The following ASXL2 variants were observed in gnomAD, a reference collection of about 807,000 sequenced individuals.
The protein encoded by ASXL2 is ASXL transcriptional regulator 2.
Under a neutral mutation model 122.0 loss-of-function variants are expected in ASXL2, and 23 were observed. That is an observed-to-expected ratio of 0.19 (90% CI 0.14 to 0.27). The LOEUF (loss-of-function observed/expected upper bound fraction) is 0.27. ASXL2 is among the 10% of genes least tolerant of loss of function. The pLI is 1.00. For missense variants in ASXL2, 1,518 were observed against 1,713.8 expected, an observed-to-expected ratio of 0.89 and a Z score of 2.02; for synonymous variants, 650 against 637.0, an observed-to-expected ratio of 1.02 and a Z score of -0.31.
In ASXL2 at chr2:25,736,996, T is replaced by C. The variant is rs776490506; in HGVS notation, c.*5033A>G. The C allele has an allele frequency of 3.3e-5, 5 of 152,144 alleles. No individual in the cohort carries two copies. The highest frequency in any genetic ancestry group is 7.2e-5 in the African/African-American group (3 of 41,426). 9.4% of individuals were successfully genotyped at this position (152,144 alleles called of 1,614,324 possible). ...AGACAGCAATCTCGGTATGGGAACA[T>C]AGACAACCTCTCCTACCAACTGGCT... is the stretch of plus-strand genomic sequence containing the variant. On this transcript the variant is annotated 3_prime_UTR_variant, in exon 13 of 13. Coordinates refer to ENST00000435504, the MANE Select transcript of ASXL2 (RefSeq NM_018263.6).
At chr2:25,810,385 A>C (rs369382116) in intron 3 of ASXL2, 41 of 667,222 alleles carry the variant, frequency 6.1e-5, no homozygotes, top group South Asian at 5.3e-4. Flanking sequence ...AACAACCTTC[A>C]TATCTCTCTC....
In ASXL2 at chr2:25,833,817, T is replaced by G. The variant is rs1374382089; in HGVS notation, c.143+1721A>C. ...TGGGCACTGGGCCAACCAAGTTCACTCTTCCCTTAAAGTTTAACCTTGAGC... is the reference window on the plus strand; with the variant it reads ...TGGGCACTGGGCCAACCAAGTTCACGCTTCCCTTAAAGTTTAACCTTGAGC... On this transcript the variant is annotated intron_variant, in intron 3 of 12. Transcript: ENST00000435504. Among the ~76,000 whole-genome samples the G allele has an allele frequency of 2.6e-5, 4 of 152,134 alleles. No homozygotes were observed. The East Asian group carries it at 7.7e-4, about 29-fold the overall frequency.
intron 1 of ASXL2, among the ~76,000 whole-genome samples, chr2:25,849,259 G>T (rs1179850152): frequency 1.3e-5 from 2 of 150,268 alleles, no homozygotes; most frequent in East Asian, 2.0e-4. Context: ...CCAACATGGA[G>T]ATTCCCTGCC....
rs189787261 is a variant in ASXL2, at chr2:25,856,570, G to A, written c.58-11007C>T. ...TTGTATTTCGCCAGACGCTCCAAGG[G>A]GTAGGGGGCGCCAGTCTTGATCTGT... On this transcript the variant is annotated intron_variant, in intron 1 of 12. Coordinates refer to ENST00000435504, the MANE Select transcript of ASXL2 (RefSeq NM_018263.6). 1.4e-5 allele frequency: 16 copies of A among 1,156,798 alleles called. No individual in the cohort carries two copies. In the East Asian group the frequency reaches 4.0e-4, roughly 29 times the overall value. The allele number at this position is 1,156,798 out of a possible 1,614,324, so 71.7% of individuals were successfully genotyped here.
intron 3 of ASXL2, chr2:25,809,816 C>T (rs540467804): frequency 3.5e-5 from 15 of 433,736 alleles, no homozygotes; most frequent in African/African-American, 1.8e-4. Context: ...GTGGGGGCAG[C>T]GAAAGGAGAA....
rs183925242 is a variant in ASXL2 at position 25,874,085 on chromosome 2, C to T, written c.57+4081G>A. On this transcript the variant is annotated intron_variant, in intron 1 of 12. Transcript: ENST00000435504. ...CAGGCAGGGTGCAGTGGCCCACATC[C>T]GTAATCCTAACACTTTGAGAGGCTG... Among the ~76,000 whole-genome samples, 58 of 152,194 alleles carry T rather than the reference C, an allele frequency of 3.8e-4. No homozygotes were observed. In the East Asian group the frequency reaches 0.011, roughly 28 times the overall value.
At chr2:25,826,406 T>C (rs138606192) in intron 3 of ASXL2, among the ~76,000 whole-genome samples, 7 of 152,318 alleles carry the variant, frequency 4.6e-5, no homozygotes, top group African/African-American at 7.2e-5. Flanking sequence ...GAATCTTTAA[T>C]ACATTAAGCT....
chr2:25,816,050 C>T (rs1272212583), intron 3 of ASXL2, among the ~76,000 whole-genome samples: 1 of 152,122 alleles, frequency 6.6e-6, no homozygotes, highest in East Asian at 1.9e-4. Flanking sequence ...TCTGTACAGA[C>T]TAACCCCAAG....
chr2:25,757,829 T>C (rs1430072894), intron 9 of ASXL2, among the ~76,000 whole-genome samples: 2 of 150,254 alleles, frequency 1.3e-5, no homozygotes, highest in African/African-American at 2.5e-5. Context: ...AGTCAAAAGA[T>C]AGTTCTGAGG....
intron 1 of ASXL2, among the ~76,000 whole-genome samples, chr2:25,854,791 TG>T (rs1326189168): frequency 6.6e-6 from 1 of 152,124 alleles, no homozygotes; most frequent in Non-Finnish European, 1.5e-5. Flanking sequence ...CAGAAGGAGA[TG>T]ATGAATATTA....
At chr2:25,793,584 AAAATTG>A (rs939383347) in intron 5 of ASXL2, among the ~76,000 whole-genome samples, 1 of 152,254 alleles carries the variant, frequency 6.6e-6, no homozygotes, top group Non-Finnish European at 1.5e-5. Flanking sequence ...GATTGGTAAC[AAAATTG>A]AAACTTAAGA....
rs2087830413 is a variant in ASXL2 at position 25,741,723 on chromosome 2, T to C, written c.*306A>G. The stretch of plus-strand genomic sequence containing the variant: ...GTAGAACATTAATCTGAATTCAAAG[T>C]AATACATTATTACCTAAACACTTGG... On this transcript the variant is annotated 3_prime_UTR_variant, in exon 13 of 13. Coordinates refer to ENST00000435504, the MANE Select transcript of ASXL2 (RefSeq NM_018263.6). 1 of 337,098 alleles carries C rather than the reference T, an allele frequency of 3.0e-6. No individual in the cohort carries two copies. Among genetic ancestry groups the C allele is most frequent in the African/African-American group, 2.0e-5 (1 of 49,254 alleles). The allele number at this position is 337,098 out of a possible 1,614,324, so 20.9% of individuals were successfully genotyped here.
chr2:25,767,560 G>GAA (rs770722812), intron 8 of ASXL2, 23 bp downstream of exon 8: 1 of 1,604,312 alleles, frequency 6.2e-7, no homozygotes, highest in Non-Finnish European at 8.5e-7. Context: ...AATGAAAACT[G>GAA]AAGTCTTTGT....
intron 10 of ASXL2, among the ~76,000 whole-genome samples, 155 bp downstream of exon 10, chr2:25,755,863 A>G (rs1382461980): frequency 1.3e-5 from 2 of 152,276 alleles, no homozygotes; most frequent in Non-Finnish European, 2.9e-5. Context: ...GGCTCTAGAT[A>G]AAAGTTTAAC....
Position 25,768,396 on chromosome 2 carries a change from C to T in ASXL2, c.631+346G>A, listed in dbSNP as rs199677047. ...AGGGCTAATGGCAGTCTTGACTTCC[C>T]GAGCTCAACCAATCCTCCCACCTCA... On this transcript the variant is annotated intron_variant, in intron 7 of 12. Coordinates refer to ENST00000435504, the MANE Select transcript of ASXL2 (RefSeq NM_018263.6). Among the ~76,000 whole-genome samples, 7 of 152,076 alleles carry T rather than the reference C, an allele frequency of 4.6e-5. No individual in the cohort carries two copies. In the East Asian group the frequency reaches 1.2e-3, roughly 25 times the overall value.
rs537545057 is a variant in ASXL2, at chr2:25,830,830, A to T, written c.143+4708T>A. ...ACTCACCAGATGAAATCAGTAAGAG[A>T]GTGGAGACAACAGAGGACAGAATCA... On this transcript the variant is annotated intron_variant, in intron 3 of 12. Transcript: ENST00000435504. The T allele has an allele frequency of 4.6e-5, 7 of 152,294 alleles. No individual in the cohort carries two copies. In the South Asian group the frequency reaches 1.4e-3, roughly 32 times the overall value. The allele number at this position is 152,294 out of a possible 1,614,324, so 9.4% of individuals were successfully genotyped here. A position where few individuals can be genotyped will look rare whatever the true frequency, so the allele number is the denominator to read the frequency against.
chr2:25,787,016 T>C (rs1230215958), intron 5 of ASXL2, among the ~76,000 whole-genome samples: 1 of 151,736 alleles, frequency 6.6e-6, no homozygotes, highest in African/African-American at 2.4e-5. Flanking sequence ...CCATTATTCA[T>C]AAATTACATA....
intron 1 of ASXL2, among the ~76,000 whole-genome samples, chr2:25,851,184 T>A (rs1012206742): frequency 6.6e-6 from 1 of 151,828 alleles, no homozygotes; most frequent in South Asian, 2.1e-4. Flanking sequence ...AAGGGCAGGA[T>A]AAGTAACTTA....
At chr2:25,784,314 C>T (rs1313862397) in intron 5 of ASXL2, among the ~76,000 whole-genome samples, 1 of 152,060 alleles carries the variant, frequency 6.6e-6, no homozygotes, top group African/African-American at 2.4e-5. Flanking sequence ...AAGCCTCCTT[C>T]AGCTTTGGCT....
Sources: gnomAD v4.1 joint callset for allele counts (sites outside exome capture counted in the v4.1 genomes callset) on GRCh38, gnomAD v4.1.1 for gene constraint, MANE v1.5 for transcripts, NCBI Gene and HGNC (gene_info 2026-07-23, HGNC 2026-07-21) for gene names.